Variants in CSMD1 observed in about 807,000 individuals in gnomAD.
The protein encoded by CSMD1 is CUB and Sushi multiple domains 1, also known as CUB and sushi domain-containing protein 1.
In CSMD1, 213 loss-of-function variants were observed where a neutral mutation model predicts 417.5. That is an observed-to-expected ratio of 0.51 (90% CI 0.46 to 0.57). CSMD1 has a LOEUF of 0.57. Among genes scored for constraint, CSMD1 ranks in the 20% least tolerant of loss-of-function variants. The pLI is 0.00. For synonymous variants in CSMD1, 2,862 were observed against 1,736.8 expected (o/e 1.65, Z -16.11); for missense variants, 6,923 against 4,529.7 (o/e 1.53, Z -15.17).
intron 3 of CSMD1, among the ~76,000 whole-genome samples, chr8:4,370,780 C>CCAG (rs1802349257): frequency 6.6e-6 from 1 of 152,164 alleles, no homozygotes; most frequent in African/African-American, 2.4e-5. Context: ...TTCACAAGAT[C>CCAG]CAGTTTGGTT....
At chr8:4,441,013 A>G (rs1798438352) in intron 2 of CSMD1, among the ~76,000 whole-genome samples, 1 of 151,244 alleles carries the variant, frequency 6.6e-6, no homozygotes, top group African/African-American at 2.4e-5. Flanking sequence ...AAAAAATTAA[A>G]AATATTAATG....
At chr8:4,083,299 T>C (rs540179847) in intron 3 of CSMD1, among the ~76,000 whole-genome samples, 217 of 152,254 alleles carry the variant, frequency 1.4e-3, no homozygotes, top group African/African-American at 5.0e-3. Context: ...TTTTTAATGA[T>C]CGCCATTCTA....
intron 54 of CSMD1, among the ~76,000 whole-genome samples, chr8:2,995,722 G>C (rs1806835096): frequency 6.6e-6 from 1 of 152,060 alleles, no homozygotes; most frequent in Non-Finnish European, 1.5e-5. Context: ...CAGGAAAAAG[G>C]GACTGAATTA....
chr8:4,574,544 C>T (rs1204799321), intron 2 of CSMD1, among the ~76,000 whole-genome samples: 2 of 152,312 alleles, frequency 1.3e-5, no homozygotes, highest in South Asian at 2.1e-4. Context: ...TCACTGGGAG[C>T]TGCAGACGGG....
In CSMD1 at chr8:3,406,162, C is replaced by T. The variant is rs1428262175; in HGVS notation, c.2131G>A (p.Asp711Asn). 6.2e-7 allele frequency: 1 copy of T among 1,613,390 alleles called. No homozygotes were observed. The highest frequency in any genetic ancestry group is 8.5e-7 in the Non-Finnish European group (1 of 1,179,656). Reference protein sequence around the residue: ...GIPINGRRFGDRFLLGSSVSF... With the variant: ...GIPINGRRFGNRFLLGSSVSF... Reference sequence around the variant, plus strand: ...ACCGAGCTCCCGAGTAGAAACCTGTCACCAAAACGTCGTCCGTTTATAGGA... The same window carrying T: ...ACCGAGCTCCCGAGTAGAAACCTGTTACCAAAACGTCGTCCGTTTATAGGA... Residue 711 changes from aspartate to asparagine, a missense_variant, in exon 15 of 70, where the codon GAC (aspartate) becomes AAC (asparagine). Transcript: ENST00000635120.
At chr8:3,565,565 G>C (rs1047463355) in intron 10 of CSMD1, among the ~76,000 whole-genome samples, 1 of 152,092 alleles carries the variant, frequency 6.6e-6, no homozygotes, top group African/African-American at 2.4e-5. Context: ...TACTTCAAAT[G>C]CAAGTGAATG....
chr8:3,874,781 G>A (rs879412862), intron 5 of CSMD1, among the ~76,000 whole-genome samples: 2 of 152,110 alleles, frequency 1.3e-5, no homozygotes, highest in East Asian at 1.9e-4. Flanking sequence ...GACAGGGTTT[G>A]GAAGGAGATG....
At chr8:4,023,501 G>C (rs1439169666) in intron 4 of CSMD1, among the ~76,000 whole-genome samples, 5 of 151,902 alleles carry the variant, frequency 3.3e-5, no homozygotes, top group Non-Finnish European at 5.9e-5. Flanking sequence ...AGAAGAGGAA[G>C]TCTAATTACA....
intron 7 of CSMD1, among the ~76,000 whole-genome samples, chr8:3,644,833 G>A (rs1797493958): frequency 6.6e-6 from 1 of 151,886 alleles, no homozygotes; most frequent in South Asian, 2.1e-4. Context: ...CAGGAACCCC[G>A]ATGTGGTAAC....
chr8:3,200,127 C>CT (rs1467261394), intron 32 of CSMD1, among the ~76,000 whole-genome samples: 2 of 152,038 alleles, frequency 1.3e-5, no homozygotes, highest in Non-Finnish European at 2.9e-5. Flanking sequence ...TGCTCAGAAT[C>CT]ACCTTACTCT....
intron 8 of CSMD1, among the ~76,000 whole-genome samples, chr8:3,587,307 T>A (rs1386855375): frequency 6.6e-6 from 1 of 152,236 alleles, no homozygotes; most frequent in Non-Finnish European, 1.5e-5. Flanking sequence ...GAGCCTGGCT[T>A]CTGGCATTGA....
rs992565187 is a variant in CSMD1 at position 4,234,483 on chromosome 8, T to C, written c.415+185470A>G. Among the ~76,000 whole-genome samples the C allele has an allele frequency of 2.0e-5, 3 of 152,178 alleles. No individual in the cohort carries two copies. In the East Asian group the frequency reaches 5.8e-4, roughly 29 times the overall value. ...TGTGTGGCCATTTGAGACCTGCTTA[T>C]CCTTGAGGTCTGAATTCAGCAGTCT... is the stretch of plus-strand genomic sequence containing the variant. On this transcript the variant is annotated intron_variant, in intron 3 of 69. Transcript: ENST00000635120.
intron 25 of CSMD1, among the ~76,000 whole-genome samples, chr8:3,304,038 T>A (rs1475968521): frequency 6.6e-6 from 1 of 152,124 alleles, no homozygotes; most frequent in African/African-American, 2.4e-5. Flanking sequence ...CTCAATGAAA[T>A]CAATGTAGCT....
intron 1 of CSMD1, among the ~76,000 whole-genome samples, chr8:4,803,389 A>G (rs116553147): frequency 0.011 from 1,699 of 152,314 alleles, 28 homozygotes; most frequent in African/African-American, 0.038. Context: ...TGTACTCAAC[A>G]TAGTTATTAG....
intron 3 of CSMD1, among the ~76,000 whole-genome samples, chr8:4,225,311 AATC>A (rs757848526): frequency 7.9e-5 from 12 of 152,274 alleles, no homozygotes; most frequent in Non-Finnish European, 1.5e-4. Flanking sequence ...TTCTTTTCTG[AATC>A]ATCGAGACTT....
At chr8:3,316,191 C>G (rs1033539339) in intron 23 of CSMD1, among the ~76,000 whole-genome samples, 4 of 152,100 alleles carry the variant, frequency 2.6e-5, no homozygotes, top group Non-Finnish European at 5.9e-5. Flanking sequence ...CTAACTTGTA[C>G]AAGGTGGTAA....
intron 5 of CSMD1, among the ~76,000 whole-genome samples, chr8:3,978,023 T>C (rs991194472): frequency 6.6e-6 from 1 of 152,178 alleles, no homozygotes; most frequent in African/African-American, 2.4e-5. Context: ...AGATGGACAC[T>C]TGCTTGTCCA....
chr8:3,984,743 A>G lies in CSMD1; in HGVS notation c.818+13160T>C, dbSNP rs1234034146. On this transcript the variant is annotated intron_variant, in intron 5 of 69. Transcript: ENST00000635120. ...TATATATATATATATATATATATATATATATATATTTGTATGTATTTGTGC... is the reference window on the plus strand; with the variant it reads ...TATATATATATATATATATATATATGTATATATATTTGTATGTATTTGTGC... Among the ~76,000 whole-genome samples the G allele has an allele frequency of 2.2e-4, 19 of 86,326 alleles. 3 individuals carry two copies. Among genetic ancestry groups the G allele is most frequent in the South Asian group, 7.4e-4 (2 of 2,706 alleles). The allele number at this position is 86,326 out of a possible 152,430, so 56.6% of individuals were successfully genotyped here. A position where few individuals can be genotyped will look rare whatever the true frequency, so the allele number is the denominator to read the frequency against.
intron 8 of CSMD1, among the ~76,000 whole-genome samples, chr8:3,609,290 C>G (rs1426787648): frequency 1.3e-5 from 2 of 152,208 alleles, no homozygotes; most frequent in Non-Finnish European, 2.9e-5. Context: ...CAATACCAAT[C>G]TGAGCTCCCT....
Sources: gnomAD v4.1 joint callset for allele counts (sites outside exome capture counted in the v4.1 genomes callset) on GRCh38, gnomAD v4.1.1 for gene constraint, MANE v1.5 for transcripts, NCBI Gene and HGNC (gene_info 2026-07-23, HGNC 2026-07-21) for gene names.